The following NXPH1 variants were observed in gnomAD, a reference collection of about 807,000 sequenced individuals.
The protein encoded by NXPH1 is neurexophilin-1.
NXPH1 carries 5 observed loss-of-function variants against 23.7 expected under a neutral mutation model. That is an observed-to-expected ratio of 0.21 (90% CI 0.11 to 0.44). The LOEUF is 0.44. Among genes scored for constraint, NXPH1 ranks in the 20% least tolerant of loss-of-function variants. NXPH1 has a pLI of 0.99. For synonymous variants in NXPH1, 144 were observed against 122.2 expected, an observed-to-expected ratio of 1.18 and a Z score of -1.18; for missense variants, 324 against 321.6, an observed-to-expected ratio of 1.01 and a Z score of -0.06.
Position 8,442,394 on chromosome 7 carries a change from A to T in NXPH1, c.54+6627A>T, listed in dbSNP as rs571370364. Among the ~76,000 whole-genome samples the T allele has an allele frequency of 1.3e-5, 2 of 152,094 alleles. No individual in the cohort carries two copies. The highest frequency in any genetic ancestry group is 2.9e-5 in the Non-Finnish European group (2 of 68,002). ...AACCTGCCTCTGGCCGCGCCTCGCCATCACCCCCGCCGCCCTAATGGATTC... is the reference window on the plus strand; with the variant it reads ...AACCTGCCTCTGGCCGCGCCTCGCCTTCACCCCCGCCGCCCTAATGGATTC... On this transcript the variant is annotated intron_variant, in intron 2 of 2. Coordinates refer to ENST00000405863, the MANE Select transcript of NXPH1 (RefSeq NM_152745.3). The surrounding 1 kb of genome is among the most constrained non-coding windows in gnomAD (Gnocchi z 4.6).
rs1359405991 is a variant in NXPH1, at chr7:8,727,769, C to T, written c.55-23239C>T. On this transcript the variant is annotated intron_variant, in intron 2 of 2. Coordinates refer to ENST00000405863, the MANE Select transcript of NXPH1 (RefSeq NM_152745.3). ...TGTAGTATAGTTTGAAGTCAAGTAG[C>T]GTGATGCCTCCAGCTTTGTTCTTTT... Among the ~76,000 whole-genome samples the T allele has an allele frequency of 7.2e-5, 11 of 152,176 alleles. No homozygotes were observed. In the South Asian group the frequency reaches 1.5e-3, roughly 20 times the overall value.
At chr7:8,711,691 T>C (rs537540491) in intron 2 of NXPH1, among the ~76,000 whole-genome samples, 2 of 152,150 alleles carry the variant, frequency 1.3e-5, no homozygotes, top group African/African-American at 4.8e-5. Context: ...TATGCATACA[T>C]ATGTATGTGA....
At chr7:8,552,256 C>T (rs1280638186) in intron 2 of NXPH1, among the ~76,000 whole-genome samples, 2 of 151,302 alleles carry the variant, frequency 1.3e-5, no homozygotes, top group Admixed American at 1.3e-4. Context: ...AATAATGTTC[C>T]TATGCAATTA....
intron 2 of NXPH1, among the ~76,000 whole-genome samples, chr7:8,643,670 A>T (rs1820352446): frequency 6.6e-6 from 1 of 152,128 alleles, no homozygotes; most frequent in Non-Finnish European, 1.5e-5. Context: ...ATACCTACTT[A>T]TTGTAAGCTT....
chr7:8,646,072 A>T (rs1820395398), intron 2 of NXPH1, among the ~76,000 whole-genome samples: 1 of 152,114 alleles, frequency 6.6e-6, no homozygotes, highest in Admixed American at 6.6e-5. Flanking sequence ...ATGAATTTTG[A>T]AAAATTGACA....
intron 2 of NXPH1, among the ~76,000 whole-genome samples, chr7:8,701,643 C>T (rs1218861144): frequency 6.6e-6 from 1 of 152,040 alleles, no homozygotes; most frequent in Non-Finnish European, 1.5e-5. Flanking sequence ...ATTAAGTGTT[C>T]TCCCACTGAA....
At position 8,566,766 on chromosome 7, in the gene NXPH1, T is replaced by C. The variant is rs563456357; in HGVS notation, c.54+130999T>C. On this transcript the variant is annotated intron_variant, in intron 2 of 2. Transcript: ENST00000405863. ...GCCATGCTACCAGTATCACAGAGTCTCCAGCTTACAGGTGGCCTGGGTCTT... is the reference window on the plus strand; with the variant it reads ...GCCATGCTACCAGTATCACAGAGTCCCCAGCTTACAGGTGGCCTGGGTCTT... Among the ~76,000 whole-genome samples the C allele has an allele frequency of 1.5e-3, 227 of 151,922 alleles. 1 individual carries two copies. The highest frequency in any genetic ancestry group is 5.0e-3 in the African/African-American group (209 of 41,492).
At chr7:8,640,075 T>C (rs1374560931) in intron 2 of NXPH1, among the ~76,000 whole-genome samples, 1 of 152,210 alleles carries the variant, frequency 6.6e-6, no homozygotes, top group African/African-American at 2.4e-5. Context: ...ATTCATAATG[T>C]ATATTGCAAA....
intron 2 of NXPH1, among the ~76,000 whole-genome samples, chr7:8,630,882 G>C (rs1820112463): frequency 6.6e-6 from 1 of 152,102 alleles, no homozygotes; most frequent in Non-Finnish European, 1.5e-5. Context: ...CAGGCATTAA[G>C]CCTAGTACCC....
chr7:8,657,902 C>T (rs767917976), intron 2 of NXPH1, among the ~76,000 whole-genome samples: 1 of 152,186 alleles, frequency 6.6e-6, no homozygotes, highest in Non-Finnish European at 1.5e-5. Context: ...TTAGCACGCA[C>T]CTGTAATCCC....
chr7:8,520,389 C>A (rs1817750215), intron 2 of NXPH1, among the ~76,000 whole-genome samples: 1 of 152,194 alleles, frequency 6.6e-6, no homozygotes, highest in South Asian at 2.1e-4. Context: ...TTGGACTGCT[C>A]CCTGCAGGAG....
At chr7:8,623,761 A>G (rs142137731) in intron 2 of NXPH1, among the ~76,000 whole-genome samples, 153 of 151,200 alleles carry the variant, frequency 1.0e-3, no homozygotes, top group African/African-American at 3.3e-3. Context: ...ATGTATATGC[A>G]TATGTGTATT....
intron 2 of NXPH1, among the ~76,000 whole-genome samples, chr7:8,529,308 A>G (rs558230846): frequency 6.6e-6 from 1 of 152,376 alleles, no homozygotes; most frequent in Admixed American, 6.5e-5. Context: ...TGACGTAGTC[A>G]TAGATATGGC....
At chr7:8,522,779 G>A (rs913311374) in intron 2 of NXPH1, among the ~76,000 whole-genome samples, 1 of 152,002 alleles carries the variant, frequency 6.6e-6, no homozygotes, top group African/African-American at 2.4e-5. Context: ...CCACCTCTAG[G>A]TCCAGCCCTA....
rs147097311 is a variant in NXPH1 at position 8,469,534 on chromosome 7, C to G, written c.54+33767C>G. Among the ~76,000 whole-genome samples, 24 of 152,152 alleles carry G rather than the reference C, an allele frequency of 1.6e-4. No homozygotes were observed. The East Asian group carries it at 4.6e-3, about 29-fold the overall frequency. ...GAACAATCGTTCCCTCTCCTCTCAT[C>G]CTTTCATGAAACTACTAGTCTTTTA... On this transcript the variant is annotated intron_variant, in intron 2 of 2. Coordinates refer to ENST00000405863, the MANE Select transcript of NXPH1 (RefSeq NM_152745.3).
intron 2 of NXPH1, among the ~76,000 whole-genome samples, chr7:8,714,158 C>A (rs1036814820): frequency 6.6e-6 from 1 of 152,150 alleles, no homozygotes; most frequent in Non-Finnish European, 1.5e-5. Context: ...TACACAAAGT[C>A]TTTCCCACTC....
chr7:8,676,067 G>C (rs1041897517), intron 2 of NXPH1, among the ~76,000 whole-genome samples: 1 of 152,150 alleles, frequency 6.6e-6, no homozygotes, highest in Non-Finnish European at 1.5e-5. Flanking sequence ...ACCATAGTCA[G>C]TGCCACAGAT....
At chr7:8,626,281 A>T (rs1468498641) in intron 2 of NXPH1, among the ~76,000 whole-genome samples, 1 of 152,030 alleles carries the variant, frequency 6.6e-6, no homozygotes, top group Non-Finnish European at 1.5e-5. Context: ...ATCATAAATT[A>T]TGCATCTTTG....
At chr7:8,614,122 A>G (rs897380015) in intron 2 of NXPH1, among the ~76,000 whole-genome samples, 1 of 151,884 alleles carries the variant, frequency 6.6e-6, no homozygotes, top group South Asian at 2.1e-4. Flanking sequence ...ATTTATTTAT[A>G]ATTATTGCAT....
Sources: allele counts gnomAD v4.1 joint callset (sites outside exome capture counted in the v4.1 genomes callset), GRCh38; gene constraint gnomAD v4.1.1; non-coding constraint Gnocchi (gnomAD v3.1); transcripts MANE v1.5; gene names NCBI Gene and HGNC (gene_info 2026-07-23, HGNC 2026-07-21).